Variants in SLC11A1 observed in about 807,000 individuals in gnomAD.
SLC11A1 encodes solute carrier family 11 member 1.
In SLC11A1, 59 loss-of-function variants were observed where a neutral mutation model predicts 63.2. The ratio of observed to expected loss-of-function variants is 0.93; its 90% confidence interval spans 0.76 to 1.16. The LOEUF is 1.16. Ranked by LOEUF, SLC11A1 falls within the 50% of genes most tolerant of loss-of-function variation. The probability of loss-of-function intolerance (pLI) is 0.00; values close to 1 mark genes in which losing one functional copy is unlikely to be tolerated. For missense variants in SLC11A1, 688 were observed against 730.7 expected, an observed-to-expected ratio of 0.94 and a Z score of 0.67; for synonymous variants, 305 against 307.8, an observed-to-expected ratio of 0.99 and a Z score of 0.09.
rs900927276 is a variant in SLC11A1 at position 218,386,533 on chromosome 2, G to C, written c.394-102G>C. The C allele has an allele frequency of 7.8e-6, 6 of 770,222 alleles. No homozygotes were observed. In the African/African-American group the frequency reaches 1.0e-4, roughly 13 times the overall value. The allele number at this position is 770,222 out of a possible 1,614,324, so 47.7% of individuals were successfully genotyped here. On this transcript the variant is annotated intron_variant, in intron 4 of 14. Coordinates refer to ENST00000233202, the MANE Select transcript of SLC11A1 (RefSeq NM_000578.4). Reference sequence around the variant, plus strand: ...CATAAGGTAGGAAGCCCATTGGCCAGACTGTCTAGTAAATGTAGTCTGAGA... The same window carrying C: ...CATAAGGTAGGAAGCCCATTGGCCACACTGTCTAGTAAATGTAGTCTGAGA...
chr2:218,393,580 G>A (rs1224084251), intron 12 of SLC11A1, among the ~76,000 whole-genome samples: 3 of 150,586 alleles, frequency 2.0e-5, no homozygotes, highest in African/African-American at 7.3e-5. Flanking sequence ...AGGTTCAAGC[G>A]ATTCTTCTGC....
At chr2:218,386,788 C>A in intron 5 of SLC11A1, 47 bp downstream of exon 5, 1 of 1,380,356 alleles carries the variant, frequency 7.2e-7, no homozygotes, top group Non-Finnish European at 1.0e-6. Flanking sequence ...CAGAGAACAG[C>A]TGCTGCTACT....
At chr2:218,394,017 C>A in intron 12 of SLC11A1, 103 bp from the exon 13 acceptor site, 1 of 1,134,990 alleles carries the variant, frequency 8.8e-7, no homozygotes. Context: ...GGCAGTTGAG[C>A]TCACACCCAC....
In SLC11A1 at chr2:218,391,307, G is replaced by A. The variant is rs1244770969; in HGVS notation, c.1044+20G>A. On this transcript the variant is annotated intron_variant, in intron 10 of 14. Coordinates refer to ENST00000233202, the MANE Select transcript of SLC11A1 (RefSeq NM_000578.4). ...CAGGGGGTGAGCGCGGGTGGGTGGG[G>A]AGGGCGTGACCCAGAGAGGCTCCCC... 18 of 1,342,248 alleles carry A rather than the reference G, an allele frequency of 1.3e-5. No homozygotes were observed. Among genetic ancestry groups the A allele is most frequent in the African/African-American group, 2.9e-5 (2 of 68,456 alleles). 83.1% of individuals were successfully genotyped at this position (1,342,248 alleles called of 1,614,324 possible).
At position 218,395,110 on chromosome 2, in the gene SLC11A1, G is replaced by A; in HGVS notation, c.*75G>A. The A allele has an allele frequency of 1.7e-6, 2 of 1,188,716 alleles. No homozygotes were observed. Among genetic ancestry groups the A allele is most frequent in the Admixed American group, 2.0e-5 (1 of 50,286 alleles). The allele number at this position is 1,188,716 out of a possible 1,614,324, so 73.6% of individuals were successfully genotyped here. On this transcript the variant is annotated 3_prime_UTR_variant, in exon 15 of 15. Transcript: ENST00000233202. ...GCTGGATGTGGAGGGGGCGCGTGCAGGCAGCAGGATAGAGTGGGACAGTTC... is the reference window on the plus strand; with the variant it reads ...GCTGGATGTGGAGGGGGCGCGTGCAAGCAGCAGGATAGAGTGGGACAGTTC...
Position 218,391,366 on chromosome 2 carries a change from G to C in SLC11A1, c.1045-10G>C. On this transcript the variant is annotated splice_polypyrimidine_tract_variant and intron_variant, in intron 10 of 14. Transcript: ENST00000233202. The stretch of plus-strand genomic sequence containing the variant: ...CAGGGCCACCGGTCCTACCACACTC[G>C]TCCCTGCAGGGCGTGATCCTGGGCT... The C allele has an allele frequency of 6.2e-7, 1 of 1,613,958 alleles. No homozygotes were observed. The highest frequency in any genetic ancestry group is 2.2e-5 in the East Asian group (1 of 44,884).
At position 218,387,803 on chromosome 2, in the gene SLC11A1, G is replaced by C; in HGVS notation, c.643G>C (p.Val215Leu). 1.9e-6 allele frequency: 3 copies of C among 1,609,124 alleles called. No homozygotes were observed. The highest frequency in any genetic ancestry group is 1.7e-6 in the Non-Finnish European group (2 of 1,177,954). The part of the protein sequence containing the change: ...IMALTFGYEY[V>L]VARPEQGALL... ...CTGACCAGGCTCCTCCCTGCAGTAT[G>C]TGGTGGCGCGTCCTGAGCAGGGAGC... The change falls in exon 8 of 15, where the codon GTG becomes CTG. Residue 215 changes from valine (V) to leucine (L), a missense_variant. By Grantham distance (32) the Val-to-Leu change is conservative. Transcript: ENST00000233202.
In SLC11A1 at chr2:218,385,945, A is replaced by C. The variant is rs996511433; in HGVS notation, c.393+679A>C. Among the ~76,000 whole-genome samples, 17 of 152,304 alleles carry C rather than the reference A, an allele frequency of 1.1e-4. No homozygotes were observed. In the East Asian group the frequency reaches 3.3e-3, roughly 29 times the overall value. ...TGGACATTTCAAAGGTATTGAATGC[A>C]GGGATTGAAAGGTTTGGGAGGGCTT... On this transcript the variant is annotated intron_variant, in intron 4 of 14. Transcript: ENST00000233202.
intron 11 of SLC11A1, 151 bp downstream of exon 11, chr2:218,391,646 C>A: frequency 9.5e-7 from 1 of 1,049,428 alleles, no homozygotes; most frequent in Non-Finnish European, 1.3e-6. Context: ...GTTGTTGAGA[C>A]GGAGTCTCGC....
At position 218,391,228 on chromosome 2, in the gene SLC11A1, G is replaced by T; in HGVS notation, c.985G>T (p.Asp329Tyr). 6.4e-7 allele frequency: 1 copy of T among 1,553,704 alleles called. No individual in the cohort carries two copies. The highest frequency in any genetic ancestry group is 8.7e-7 in the Non-Finnish European group (1 of 1,143,550). Residue 329 changes from aspartate to tyrosine, a missense_variant, in exon 10 of 15, where the codon GAC (aspartate) becomes TAC (tyrosine). By Grantham distance (160) the Asp-to-Tyr change is radical (BLOSUM62 -3). Coordinates refer to ENST00000233202, the MANE Select transcript of SLC11A1 (RefSeq NM_000578.4). ...CATCTGTGCCAACAGCAGCCTCCAC[G>T]ACTACGCCAAGATCTTCCCCATGAA... ...FNICANSSLH[D>Y]YAKIFPMNNA...
intron 12 of SLC11A1, 54 bp downstream of exon 12, chr2:218,393,184 C>A: frequency 6.9e-7 from 1 of 1,446,036 alleles, no homozygotes; most frequent in Non-Finnish European, 9.1e-7. Context: ...AACAGGACCT[C>A]CAGCAACCCC....
chr2:218,390,101 G>C, intron 9 of SLC11A1, 73 bp downstream of exon 9: 1 of 1,500,772 alleles, frequency 6.7e-7, no homozygotes, highest in Middle Eastern at 2.0e-4. Context: ...GAGGACCCTA[G>C]GCAATGCAGC....
intron 4 of SLC11A1, 135 bp from the exon 5 acceptor site, chr2:218,386,500 T>C: frequency 3.2e-6 from 2 of 625,626 alleles, no homozygotes; most frequent in Non-Finnish European, 5.7e-6. Context: ...TCCTGTATGC[T>C]CTTCCTACAT....
At position 218,383,056 on chromosome 2, in the gene SLC11A1, G is replaced by A. The variant is rs1695889271; in HGVS notation, c.104G>A (p.Arg35Lys). 4 of 1,614,034 alleles carry A rather than the reference G, an allele frequency of 2.5e-6. No individual in the cohort carries two copies. Among genetic ancestry groups the A allele is most frequent in the Non-Finnish European group, 3.4e-6 (4 of 1,179,972 alleles). Residue 35 changes from arginine (R) to lysine (K), a missense_variant, in exon 2 of 15, where the codon AGA becomes AAA. Arg to Lys is a conservative substitution (Grantham distance 26, BLOSUM62 2). Transcript: ENST00000233202. ...TSPGPQQAPPRETYLSEKIPI... is the reference protein window; with the variant it reads ...TSPGPQQAPPKETYLSEKIPI... ...CCAGGGCCACAGCAAGCACCTCCCA[G>A]AGAGACCTACCTGAGTGAGAAGATC...
At chr2:218,388,966 T>C (rs1338617563) in intron 8 of SLC11A1, among the ~76,000 whole-genome samples, 1 of 151,592 alleles carries the variant, frequency 6.6e-6, no homozygotes, top group African/African-American at 2.4e-5. Context: ...AAATAAAAAA[T>C]AAAATAAATT....
Position 218,389,987 on chromosome 2 carries a change from G to C in SLC11A1, c.913G>C (p.Val305Leu), listed in dbSNP as rs772552578. Residue 305 changes from valine (V) to leucine (L), a missense_variant, in exon 9 of 15, where the codon GTC becomes CTC. Physicochemically the swap from Val to Leu is conservative, Grantham distance 32 (BLOSUM62 1). Coordinates refer to ENST00000233202, the MANE Select transcript of SLC11A1 (RefSeq NM_000578.4). ...TATCATCAACCTCTTTGTCATGGCT[G>C]TCTTTGGGCAGGCCTTCTACCAGAA... is the stretch of plus-strand genomic sequence containing the variant. ...SFIINLFVMA[V>L]FGQAFYQKTN... The C allele has an allele frequency of 6.2e-6, 10 of 1,613,558 alleles. No individual in the cohort carries two copies. In the Admixed American group the frequency reaches 1.7e-4, roughly 27 times the overall value.
rs111352433 is a variant in SLC11A1 at position 218,394,364 on chromosome 2, T to C, written c.1388+171T>C. ...AGCTAGCAAGTTGAGGAGCCAAGACTGGAATCCAGGGAAGAGGGCTGTTTC... is the reference window on the plus strand; with the variant it reads ...AGCTAGCAAGTTGAGGAGCCAAGACCGGAATCCAGGGAAGAGGGCTGTTTC... On this transcript the variant is annotated intron_variant, in intron 13 of 14. Coordinates refer to ENST00000233202, the MANE Select transcript of SLC11A1 (RefSeq NM_000578.4). The C allele has an allele frequency of 9.7e-3, 7,245 of 746,418 alleles. 55 individuals carry two copies. The highest frequency in any genetic ancestry group is 0.011 in the Middle Eastern group (34 of 2,970). 46.2% of individuals were successfully genotyped at this position (746,418 alleles called of 1,614,324 possible).
Position 218,396,694 on chromosome 2 carries a change from C to T in SLC11A1, c.*1659C>T, listed in dbSNP as rs962263633. The T allele has an allele frequency of 6.6e-5, 10 of 152,638 alleles. No individual in the cohort carries two copies. The highest frequency in any genetic ancestry group is 1.3e-4 in the Non-Finnish European group (9 of 68,312). The allele number at this position is 152,638 out of a possible 1,614,324, so 9.5% of individuals were successfully genotyped here. ...GGGTTTGGCACTGGAGAAGATGGGT[C>T]CATGCCAGCTGAAGGAGGAGATGGA... On this transcript the variant is annotated 3_prime_UTR_variant, in exon 15 of 15. Coordinates refer to ENST00000233202, the MANE Select transcript of SLC11A1 (RefSeq NM_000578.4).
Position 218,385,199 on chromosome 2 carries a change from T to G in SLC11A1, c.326T>G (p.Leu109Arg), listed in dbSNP as rs369791918. The change falls in exon 4 of 15, where the codon CTG becomes CGG. Residue 109 changes from leucine to arginine, a missense_variant. Transcript: ENST00000233202. ...GTGTTGGGCTTGCTCTGCCAGCGAC[T>G]GGCTGCACGTCTGGGCGTGGTGACA... ...ATVLGLLCQR[L>R]AARLGVVTGK... 6.2e-7 allele frequency: 1 copy of G among 1,614,102 alleles called. No individual in the cohort carries two copies. The highest frequency in any genetic ancestry group is 2.2e-5 in the East Asian group (1 of 44,880).
Sources: gnomAD v4.1 joint callset for allele counts (sites outside exome capture counted in the v4.1 genomes callset) on GRCh38, gnomAD v4.1.1 for gene constraint, MANE v1.5 for transcripts, NCBI Gene and HGNC (gene_info 2026-07-23, HGNC 2026-07-21) for gene names.